The following MERTK variants were observed in gnomAD, a reference collection of about 807,000 sequenced individuals.
MERTK encodes the protein tyrosine-protein kinase Mer.
In MERTK, 69 loss-of-function variants were observed where a neutral mutation model predicts 99.3. The ratio of observed to expected loss-of-function variants is 0.70; its 90% confidence interval spans 0.57 to 0.85. MERTK has a LOEUF of 0.85. MERTK is among the 40% of genes least tolerant of loss of function. MERTK has a pLI of 0.00. For synonymous variants in MERTK, 426 were observed against 467.6 expected, an observed-to-expected ratio of 0.91 and a Z score of 1.15; for missense variants, 1,125 against 1,249.4, an observed-to-expected ratio of 0.90 and a Z score of 1.50.
intron 1 of MERTK, among the ~76,000 whole-genome samples, chr2:111,914,091 TTCTTTC>T (rs1684301694): frequency 7.1e-6 from 1 of 139,862 alleles, no homozygotes; most frequent in African/African-American, 2.8e-5. Context: ...CTTTCTTTCT[TTCTTTC>T]TTTCTTTTTT....
chr2:112,005,821 T>C (rs1676968406), intron 13 of MERTK, among the ~76,000 whole-genome samples: 1 of 152,216 alleles, frequency 6.6e-6, no homozygotes, highest in South Asian at 2.1e-4. Flanking sequence ...TTACTGGACA[T>C]TAAAGCATAA....
chr2:111,939,507 G>C (rs945247005), intron 2 of MERTK, among the ~76,000 whole-genome samples: 2 of 151,676 alleles, frequency 1.3e-5, no homozygotes, highest in Admixed American at 6.6e-5. Flanking sequence ...TTTGAGACAG[G>C]GTCTCACTCT....
intron 1 of MERTK, among the ~76,000 whole-genome samples, chr2:111,915,614 A>G (rs1480199444): frequency 6.6e-6 from 1 of 152,102 alleles, no homozygotes; most frequent in Non-Finnish European, 1.5e-5. Flanking sequence ...GACTATTTAG[A>G]AGTTTAGTTT....
At chr2:111,931,008 T>A (rs1684660283) in intron 2 of MERTK, among the ~76,000 whole-genome samples, 1 of 152,222 alleles carries the variant, frequency 6.6e-6, no homozygotes, top group Non-Finnish European at 1.5e-5. Flanking sequence ...TCCTGCAATT[T>A]CTCCACTTTG....
chr2:111,941,565 G>T (rs977178219), intron 2 of MERTK, among the ~76,000 whole-genome samples: 1 of 152,164 alleles, frequency 6.6e-6, no homozygotes, highest in East Asian at 1.9e-4. Flanking sequence ...TTCTGGTTGA[G>T]CCTCCACAGA....
intron 16 of MERTK, among the ~76,000 whole-genome samples, chr2:112,020,404 G>A (rs1336071018): frequency 6.6e-6 from 1 of 152,126 alleles, no homozygotes; most frequent in Non-Finnish European, 1.5e-5. Context: ...CAGGACAAGG[G>A]ATTTTGAGTG....
chr2:111,944,537 C>CTGTTTTAAGGAATCATTCCTT (rs1558781453), intron 2 of MERTK, among the ~76,000 whole-genome samples: 1 of 151,830 alleles, frequency 6.6e-6, no homozygotes, highest in Admixed American at 6.6e-5. Context: ...GGAATTAGCT[C>CTGTTTTAAGGAATCATTCCTT]ACACACAGTG....
intron 2 of MERTK, among the ~76,000 whole-genome samples, chr2:111,938,018 T>A (rs1384528437): frequency 6.6e-6 from 1 of 152,178 alleles, no homozygotes; most frequent in Non-Finnish European, 1.5e-5. Flanking sequence ...ACGTTGCACA[T>A]CCATCTCCAG....
rs1393389568 is a variant in MERTK, at chr2:112,001,282, T to G, written c.1686T>G (p.Leu562=). The change falls in exon 11 of 19, where the codon CTT becomes CTG. Residue 562 remains leucine, a synonymous_variant. Coordinates refer to ENST00000295408, the MANE Select transcript of MERTK (RefSeq NM_006343.3). ...KKSFCRRAIE[L]TLHSLGVSEE... is the part of the protein sequence containing the mutation. ...CCTTCTGTCGGCGAGCCATTGAACT[T>G]ACCTGTAAGTTGACTTTCATTTCCC... 1.2e-6 allele frequency: 2 copies of G among 1,611,114 alleles called. No homozygotes were observed. The highest frequency in any genetic ancestry group is 2.7e-5 in the African/African-American group (2 of 74,852).
chr2:111,925,294 T>TATATATATA (rs1573574648), intron 1 of MERTK, among the ~76,000 whole-genome samples: 5 of 33,526 alleles, frequency 1.5e-4, no homozygotes, highest in African/African-American at 5.1e-4. Context: ...ATATATATAT[T>TATATATATA]TTTTTTTTTT....
chr2:112,019,704 T>C (rs944992130), intron 16 of MERTK, among the ~76,000 whole-genome samples, 182 bp downstream of exon 16: 2 of 152,164 alleles, frequency 1.3e-5, no homozygotes, highest in African/African-American at 4.8e-5. Flanking sequence ...TGCCTCTGTA[T>C]CTGAGAGTCT....
chr2:111,966,293 C>G (rs1352324736), intron 5 of MERTK, among the ~76,000 whole-genome samples: 1 of 152,064 alleles, frequency 6.6e-6, no homozygotes, highest in East Asian at 1.9e-4. Flanking sequence ...AAAAAAGATG[C>G]TAATTTTAGT....
At chr2:112,018,072 CAAG>C (rs983853818) in intron 15 of MERTK, among the ~76,000 whole-genome samples, 71 of 152,198 alleles carry the variant, frequency 4.7e-4, no homozygotes, top group African/African-American at 1.7e-3. Context: ...AGCTCCTACA[CAAG>C]AAGAAGGAGG....
intron 7 of MERTK, among the ~76,000 whole-genome samples, chr2:111,980,617 A>T (rs1053715406): frequency 1.3e-5 from 2 of 151,848 alleles, no homozygotes; most frequent in African/African-American, 4.8e-5. Flanking sequence ...ACGGGGTTTC[A>T]CCGTGTTGGC....
chr2:111,960,377 A>G (rs1685223931), intron 4 of MERTK, among the ~76,000 whole-genome samples: 2 of 150,260 alleles, frequency 1.3e-5, no homozygotes, highest in African/African-American at 2.4e-5. Context: ...GCTACTTGGG[A>G]GACTGAGGCA....
At chr2:111,940,945 C>A in intron 2 of MERTK, 1 of 659,358 alleles carries the variant, frequency 1.5e-6, no homozygotes, top group Non-Finnish European at 2.9e-6. Flanking sequence ...GTCTTCAAGC[C>A]AAACAGTGAA....
At chr2:112,005,727 A>G (rs112892519) in intron 13 of MERTK, among the ~76,000 whole-genome samples, 2,319 of 152,300 alleles carry the variant, frequency 0.015, 67 homozygotes, top group African/African-American at 0.052. Context: ...TTGCTTCCTT[A>G]TTAACCCCTT....
In MERTK at chr2:112,028,848, C is replaced by T; in HGVS notation, c.2984C>T (p.Ser995Leu). 6.2e-7 allele frequency: 1 copy of T among 1,613,894 alleles called. No individual in the cohort carries two copies. Among genetic ancestry groups the T allele is most frequent in the South Asian group, 1.1e-5 (1 of 91,070 alleles). Reference protein sequence around the residue: ...LLFADDSSEGSEVLM With the variant: ...LLFADDSSEGLEVLM ...TTTGCTGACGACTCCTCAGAAGGCT[C>T]AGAAGTCCTGATGTGAGGAGAGGTG... The change falls in exon 19 of 19, where the codon TCA (serine) becomes TTA (leucine). Residue 995 changes from serine to leucine, a missense_variant. Ser to Leu is a moderately radical substitution (Grantham distance 145). Transcript: ENST00000295408.
chr2:112,028,126 A>G, intron 18 of MERTK: 1 of 590,750 alleles, frequency 1.7e-6, no homozygotes, highest in South Asian at 2.0e-5. Flanking sequence ...TAACTGCCAC[A>G]TATGTGCTCT....
Sources: allele counts gnomAD v4.1 joint callset (sites outside exome capture counted in the v4.1 genomes callset), GRCh38; gene constraint gnomAD v4.1.1; transcripts MANE v1.5; gene names NCBI Gene and HGNC (gene_info 2026-07-23, HGNC 2026-07-21).